Variants in L3MBTL4 observed in about 807,000 individuals in gnomAD.
L3MBTL4 encodes lethal(3)malignant brain tumor-like protein 4.
L3MBTL4 carries 70 observed loss-of-function variants against 84.5 expected under a neutral mutation model. The observed-to-expected ratio is 0.83, with a 90% CI of 0.68 to 1.01. The LOEUF is 1.01. Among genes scored for constraint, L3MBTL4 ranks in the 50% least tolerant of loss-of-function variants. L3MBTL4 has a pLI of 0.00. For missense variants in L3MBTL4, 715 were observed against 754.8 expected (o/e 0.95, Z 0.62); for synonymous variants, 274 against 259.8 (o/e 1.05, Z -0.52).
intron 16 of L3MBTL4, among the ~76,000 whole-genome samples, chr18:6,019,226 A>G (rs1249157961): frequency 2.6e-5 from 4 of 152,246 alleles, no homozygotes; most frequent in Non-Finnish European, 5.9e-5. Flanking sequence ...ATTATGTAGA[A>G]TCAATATCTG....
chr18:6,051,550 A>C (rs895061093), intron 16 of L3MBTL4, among the ~76,000 whole-genome samples: 1 of 151,996 alleles, frequency 6.6e-6, no homozygotes, highest in Non-Finnish European at 1.5e-5. Context: ...AAAAAAAAAA[A>C]AGGAAGAAAC....
chr18:6,062,003 T>C (rs1048781888), intron 16 of L3MBTL4, among the ~76,000 whole-genome samples: 1 of 152,028 alleles, frequency 6.6e-6, no homozygotes, highest in African/African-American at 2.4e-5. Context: ...AAAAAATAGT[T>C]GAACAAACTG....
intron 3 of L3MBTL4, among the ~76,000 whole-genome samples, chr18:6,309,508 C>T (rs140262819): frequency 2.0e-4 from 30 of 152,304 alleles, no homozygotes; most frequent in African/African-American, 7.0e-4. Context: ...ATGGAGATGT[C>T]ATTAAGCACC....
intron 12 of L3MBTL4, among the ~76,000 whole-genome samples, chr18:6,181,677 C>G (rs2044479295): frequency 6.6e-6 from 1 of 151,606 alleles, no homozygotes. Flanking sequence ...CCTCCACCTT[C>G]AAGTAGGCCC....
chr18:6,332,614 G>T (rs896927149), intron 1 of L3MBTL4, among the ~76,000 whole-genome samples: 1 of 152,202 alleles, frequency 6.6e-6, no homozygotes. Flanking sequence ...AGGACTGTTA[G>T]ATTCATAGAA....
intron 13 of L3MBTL4, among the ~76,000 whole-genome samples, chr18:6,156,651 T>C (rs1391977100): frequency 6.6e-6 from 1 of 152,202 alleles, no homozygotes; most frequent in Non-Finnish European, 1.5e-5. Context: ...CTTGCATAAA[T>C]CTATAGCCAG....
At chr18:6,056,219 A>G (rs1460931246) in intron 16 of L3MBTL4, among the ~76,000 whole-genome samples, 1 of 152,182 alleles carries the variant, frequency 6.6e-6, no homozygotes, top group Non-Finnish European at 1.5e-5. Context: ...AGAGACTGTC[A>G]TTAAACAAAC....
intron 18 of L3MBTL4, among the ~76,000 whole-genome samples, chr18:5,958,042 AG>A: frequency 7.7e-6 from 1 of 129,870 alleles, no homozygotes; most frequent in African/African-American, 3.5e-5. Flanking sequence ...GAGGAGGAGG[AG>A]GAGAAGGAGA....
At chr18:6,078,685 A>G (rs1292793729) in intron 16 of L3MBTL4, among the ~76,000 whole-genome samples, 1 of 152,200 alleles carries the variant, frequency 6.6e-6, no homozygotes, top group Non-Finnish European at 1.5e-5. Flanking sequence ...AACTGGTTTC[A>G]TGGAAGACAA....
chr18:6,344,093 G>T (rs2052752227), intron 1 of L3MBTL4, among the ~76,000 whole-genome samples: 1 of 148,284 alleles, frequency 6.7e-6, no homozygotes, highest in Admixed American at 6.7e-5. Context: ...CAATTAAAAA[G>T]ACAAATAAAA....
intron 3 of L3MBTL4, 114 bp downstream of exon 3, chr18:6,311,440 C>T (rs1046672256): frequency 5.1e-5 from 40 of 782,156 alleles, no homozygotes; most frequent in South Asian, 4.8e-4. Flanking sequence ...GAAGCCACAT[C>T]GTTTCAAGTG....
intron 15 of L3MBTL4, among the ~76,000 whole-genome samples, chr18:6,085,013 T>C (rs2058213333): frequency 6.6e-6 from 1 of 152,228 alleles, no homozygotes; most frequent in Non-Finnish European, 1.5e-5. Context: ...TGTGTAGGTT[T>C]GGATATGCGA....
chr18:6,107,288 G>A (rs186909714), intron 14 of L3MBTL4, among the ~76,000 whole-genome samples: 107 of 152,292 alleles, frequency 7.0e-4, no homozygotes, highest in African/African-American at 2.5e-3. Flanking sequence ...TGGGCTGAGG[G>A]GTGGGCCTGG....
chr18:6,005,546 G>T (rs1047998352), intron 16 of L3MBTL4, among the ~76,000 whole-genome samples: 1 of 152,152 alleles, frequency 6.6e-6, no homozygotes, highest in Non-Finnish European at 1.5e-5. Context: ...GTGTCCATAT[G>T]AACTCGATGT....
chr18:6,112,027 G>T (rs929508026), intron 14 of L3MBTL4, among the ~76,000 whole-genome samples: 6 of 152,084 alleles, frequency 3.9e-5, no homozygotes, highest in Non-Finnish European at 8.8e-5. Context: ...GCTTCTATGA[G>T]TTCAGCGTTT....
chr18:6,391,437 C>A (rs565906557), intron 1 of L3MBTL4, among the ~76,000 whole-genome samples: 8 of 152,118 alleles, frequency 5.3e-5, no homozygotes, highest in Admixed American at 2.6e-4. Flanking sequence ...CAAGGATGAC[C>A]ACTTTCACCA....
At chr18:6,164,068 G>T (rs938871247) in intron 13 of L3MBTL4, among the ~76,000 whole-genome samples, 3 of 152,214 alleles carry the variant, frequency 2.0e-5, no homozygotes, top group Non-Finnish European at 4.4e-5. Flanking sequence ...TATGCCCACG[G>T]AGCCTCGCTC....
intron 12 of L3MBTL4, among the ~76,000 whole-genome samples, chr18:6,178,954 G>C (rs1468987997): frequency 6.6e-6 from 1 of 152,098 alleles, no homozygotes; most frequent in Non-Finnish European, 1.5e-5. Flanking sequence ...ACTTAGCCCT[G>C]TGTCTCACAG....
intron 13 of L3MBTL4, among the ~76,000 whole-genome samples, chr18:6,162,149 A>G (rs2043372332): frequency 6.6e-6 from 1 of 152,116 alleles, no homozygotes; most frequent in South Asian, 2.1e-4. Flanking sequence ...TTTTCATATA[A>G]TATCACTGGT....
Sources: gnomAD v4.1 joint callset for allele counts (sites outside exome capture counted in the v4.1 genomes callset) on GRCh38, gnomAD v4.1.1 for gene constraint, MANE v1.5 for transcripts, NCBI Gene and HGNC (gene_info 2026-07-23, HGNC 2026-07-21) for gene names.